Variants in HEATR4 observed in about 807,000 individuals in gnomAD.
The protein encoded by HEATR4 is HEAT repeat-containing protein 4.
HEATR4 carries 95 observed loss-of-function variants against 108.8 expected under a neutral mutation model. The ratio of observed to expected loss-of-function variants is 0.87; its 90% confidence interval spans 0.74 to 1.04. The LOEUF is 1.04. Ranked by LOEUF, HEATR4 falls within the 50% of genes least tolerant of loss-of-function variation. The pLI is 0.00. For missense variants in HEATR4, 1,152 were observed against 1,253.8 expected, an observed-to-expected ratio of 0.92 and a Z score of 1.23; for synonymous variants, 443 against 459.4, an observed-to-expected ratio of 0.96 and a Z score of 0.46.
At chr14:73,519,260 G>T in intron 4 of HEATR4, 97 bp from the exon 5 acceptor site, 3 of 1,297,596 alleles carry the variant, frequency 2.3e-6, no homozygotes, top group Non-Finnish European at 3.2e-6. Context: ...ACTTCCTTTT[G>T]CCCTAATCTA....
chr14:73,565,202 A>G, the HEATR4 span, among the ~76,000 whole-genome samples: 2 of 151,992 alleles, frequency 1.3e-5, no homozygotes, highest in Non-Finnish European at 2.9e-5. Flanking sequence ...AAGAGAAGGG[A>G]TCTTTTAAGT....
chr14:73,555,379 C>T (rs944284368), intron 1 of HEATR4, among the ~76,000 whole-genome samples: 1 of 111,002 alleles, frequency 9.0e-6, no homozygotes, highest in African/African-American at 2.9e-5. Context: ...AGCAAAAAAA[C>T]TTCCAATCTA....
chr14:73,526,358 G>C (rs977043353), intron 2 of HEATR4, among the ~76,000 whole-genome samples: 14 of 152,238 alleles, frequency 9.2e-5, no homozygotes, highest in African/African-American at 3.4e-4. Context: ...ATGAGTGACA[G>C]TCAGGTCACA....
the HEATR4 span, among the ~76,000 whole-genome samples, chr14:73,577,270 G>C: frequency 2.1e-5 from 3 of 144,318 alleles, no homozygotes; most frequent in Non-Finnish European, 3.0e-5. Context: ...TGGTTTTGTA[G>C]CAGTAGAATA....
chr14:73,631,183 C>A, the HEATR4 span, among the ~76,000 whole-genome samples: 2 of 152,136 alleles, frequency 1.3e-5, no homozygotes, highest in Admixed American at 6.5e-5. Context: ...TATATACATA[C>A]CCCTCTTCCT....
At chr14:73,535,615 C>T (rs1430092289) in intron 1 of HEATR4, among the ~76,000 whole-genome samples, 3 of 107,832 alleles carry the variant, frequency 2.8e-5, no homozygotes, top group Non-Finnish European at 6.0e-5. Context: ...ACTACAGGCG[C>T]CTGCCACCAC....
chr14:73,570,405 TAA>T, the HEATR4 span, among the ~76,000 whole-genome samples: 1 of 151,632 alleles, frequency 6.6e-6, no homozygotes, highest in Non-Finnish European at 1.5e-5. Flanking sequence ...CCGTCTCTAC[TAA>T]AAATACAAAA....
At chr14:73,567,645 T>C in the HEATR4 span, 1 of 152,062 alleles carries the variant, frequency 6.6e-6, no homozygotes, top group African/African-American at 2.4e-5. Flanking sequence ...CGCTCCAGGC[T>C]GATGGAAGCT....
intron 17 of HEATR4, among the ~76,000 whole-genome samples, chr14:73,484,308 T>C (rs943642303): frequency 1.3e-5 from 2 of 152,104 alleles, no homozygotes; most frequent in African/African-American, 4.8e-5. Context: ...ATTTGTTCTG[T>C]AAAAGGCCAG....
At chr14:73,509,842 A>T (rs866961478) in intron 7 of HEATR4, among the ~76,000 whole-genome samples, 17 of 70,050 alleles carry the variant, frequency 2.4e-4, no homozygotes, top group East Asian at 4.3e-4. Flanking sequence ...ATATATATAT[A>T]TATATATATA....
In HEATR4 at chr14:73,522,721, G is replaced by A. The variant is rs558261276; in HGVS notation, c.432C>T (p.Pro144=). 162 of 1,614,174 alleles carry A rather than the reference G, an allele frequency of 1.0e-4. 2 individuals are homozygous for A. Among genetic ancestry groups the A allele is most frequent in the South Asian group, 7.9e-4 (72 of 91,078 alleles). ...GCTTTGATTTCTTCAGCTTCTTTTC[G>A]GGATTGGCAGAGCTTTCTGTCTTCA... is the stretch of plus-strand genomic sequence containing the variant. The part of the protein sequence containing the change: ...LAVKTESSAN[P]EKKLKKSKPA... The change falls in exon 3 of 18, where the codon CCC becomes CCT. Residue 144 remains proline (P), a synonymous_variant. Transcript: ENST00000553558.
chr14:73,490,648 T>C (rs1408605087), intron 17 of HEATR4, among the ~76,000 whole-genome samples: 1 of 152,032 alleles, frequency 6.6e-6, no homozygotes, highest in East Asian at 1.9e-4. Flanking sequence ...ACAGACGGGG[T>C]TTCACCATAC....
the HEATR4 span, among the ~76,000 whole-genome samples, chr14:73,613,225 G>C: frequency 6.6e-6 from 1 of 152,086 alleles, no homozygotes; most frequent in Non-Finnish European, 1.5e-5. Context: ...CTGCAGCCTC[G>C]AACTCCTGGG....
chr14:73,633,187 TAG>T, the HEATR4 span, among the ~76,000 whole-genome samples: 2 of 152,074 alleles, frequency 1.3e-5, no homozygotes, highest in African/African-American at 4.8e-5. Context: ...GAATTTTTAG[TAG>T]AGATTTGGTT....
chr14:73,603,908 A>G, the HEATR4 span, among the ~76,000 whole-genome samples: 1 of 151,586 alleles, frequency 6.6e-6, no homozygotes, highest in African/African-American at 2.4e-5. Context: ...TAATTTTTGT[A>G]TTTTTAGTAG....
chr14:73,498,662 A>G lies in HEATR4; in HGVS notation c.2357-318T>C, dbSNP rs139617908. Reference sequence around the variant, plus strand: ...TTTATCTATGTCAAAAAGAGAAGCAATGCCAAAGATTCTAAAAAGAAACTA... The same window carrying G: ...TTTATCTATGTCAAAAAGAGAAGCAGTGCCAAAGATTCTAAAAAGAAACTA... On this transcript the variant is annotated intron_variant, in intron 13 of 17. Transcript: ENST00000553558. Among the ~76,000 whole-genome samples the G allele has an allele frequency of 1.6e-4, 25 of 152,340 alleles. No homozygotes were observed. The East Asian group carries it at 4.2e-3, about 26-fold the overall frequency.
the HEATR4 span, among the ~76,000 whole-genome samples, chr14:73,576,085 GGAGGTTGCAGTGAGAA>G: frequency 3.3e-5 from 5 of 151,916 alleles, no homozygotes; most frequent in South Asian, 1.0e-3. Context: ...CCTGGGAGGC[GGAGGTTGCAGTGAGAA>G]GAGGTTGCAG....
At chr14:73,615,081 T>G in the HEATR4 span, among the ~76,000 whole-genome samples, 1 of 108,306 alleles carries the variant, frequency 9.2e-6, no homozygotes, top group African/African-American at 3.8e-5. Flanking sequence ...AGAGCAAGAC[T>G]CCATCTCAAA....
chr14:73,595,328 G>GC, the HEATR4 span: 4 of 1,614,224 alleles, frequency 2.5e-6, 1 homozygote, highest in South Asian at 4.4e-5. Flanking sequence ...AATAGAGAAG[G>GC]CCCAGGGGCC....
Sources: gnomAD v4.1 joint callset for allele counts (sites outside exome capture counted in the v4.1 genomes callset) on GRCh38, gnomAD v4.1.1 for gene constraint, MANE v1.5 for transcripts, NCBI Gene and HGNC (gene_info 2026-07-23, HGNC 2026-07-21) for gene names.